The following CCDC33 variants were observed in gnomAD, a reference collection of about 807,000 sequenced individuals.
CCDC33 encodes coiled-coil domain-containing protein 33.
Under a neutral mutation model 91.9 loss-of-function variants are expected in CCDC33, and 94 were observed. The ratio of observed to expected loss-of-function variants is 1.02; its 90% CI spans 0.87 to 1.21. The LOEUF is 1.21. CCDC33 is among the 50% of genes most tolerant of loss of function. The probability of loss-of-function intolerance (pLI) is 0.00; values close to 1 mark genes in which losing one functional copy is unlikely to be tolerated. For synonymous variants in CCDC33, 396 were observed against 374.5 expected, an observed-to-expected ratio of 1.06 and a Z score of -0.66; for missense variants, 940 against 935.5, an observed-to-expected ratio of 1.00 and a Z score of -0.06.
chr15:74,282,562 AAGGTC>A (rs1277038570), intron 10 of CCDC33, among the ~76,000 whole-genome samples: 1 of 152,232 alleles, frequency 6.6e-6, no homozygotes, highest in Non-Finnish European at 1.5e-5. Flanking sequence ...CTGGTGTGAT[AAGGTC>A]AGGCCATTCT....
intron 2 of CCDC33, among the ~76,000 whole-genome samples, chr15:74,259,057 A>C (rs1476273265): frequency 6.6e-6 from 1 of 151,928 alleles, no homozygotes; most frequent in Non-Finnish European, 1.5e-5. Context: ...TCTAAACCCA[A>C]CTCCAGTCCT....
chr15:74,329,026 G>C (rs1222659285), intron 11 of CCDC33, among the ~76,000 whole-genome samples: 1 of 152,220 alleles, frequency 6.6e-6, no homozygotes, highest in Admixed American at 6.5e-5. Context: ...AGTGAGCTAT[G>C]ATGGTGCCAC....
chr15:74,203,302 G>T (rs1331195368), intron 1 of CCDC33: 22 of 718,494 alleles, frequency 3.1e-5, no homozygotes, highest in Non-Finnish European at 3.8e-5. Flanking sequence ...CCCACGGGTA[G>T]GCAAGAGGAG....
rs2142908723 is a variant in CCDC33, at chr15:74,335,934, A to C, written c.2149A>C (p.Thr717Pro). 1.2e-6 allele frequency: 2 copies of C among 1,613,436 alleles called. No homozygotes were observed. The highest frequency in any genetic ancestry group is 4.5e-5 in the East Asian group (2 of 44,850). Residue 717 changes from threonine (T) to proline (P), a missense_variant, in exon 19 of 19, where the codon ACC (threonine) becomes CCC (proline). Coordinates refer to ENST00000398814, the MANE Select transcript of CCDC33 (RefSeq NM_025055.5). The stretch of plus-strand genomic sequence containing the variant: ...GCTTTGCACACCACAGAGTGCCCTC[A>C]CCCACTCCATGGACCTCAAGCAGCC... ...SIIIEQPSAL[T>P]HSMDLKQPSE...
At chr15:74,205,903 C>G (rs1200328086) in intron 1 of CCDC33, among the ~76,000 whole-genome samples, 1 of 152,198 alleles carries the variant, frequency 6.6e-6, no homozygotes, top group Non-Finnish European at 1.5e-5. Flanking sequence ...CAGCCTTGTG[C>G]CTGGTACTTT....
intron 10 of CCDC33, among the ~76,000 whole-genome samples, chr15:74,286,951 T>TCTGGTGG (rs1048718432): frequency 5.2e-4 from 79 of 152,304 alleles, no homozygotes; most frequent in Middle Eastern, 3.4e-3. Flanking sequence ...TTGATGCTAC[T>TCTGGTGG]CTGGTGGCTT....
chr15:74,268,700 G>A (rs74339362), intron 5 of CCDC33, among the ~76,000 whole-genome samples: 4,500 of 152,344 alleles, frequency 0.03, 100 homozygotes, highest in Non-Finnish European at 0.048. Context: ...TCTCTGTCTT[G>A]GAGGTGGCGG....
At chr15:74,290,378 A>G (rs900033852) in intron 10 of CCDC33, among the ~76,000 whole-genome samples, 3 of 152,024 alleles carry the variant, frequency 2.0e-5, no homozygotes, top group African/African-American at 7.3e-5. Flanking sequence ...GGGTTTCACC[A>G]TGTTGGCCAG....
At chr15:74,234,701 G>A (rs1385385730), upstream of CCDC33, among the ~76,000 whole-genome samples, 1 of 152,246 alleles carries the variant, frequency 6.6e-6, no homozygotes, top group Non-Finnish European at 1.5e-5. Context: ...GGGCGTGGCT[G>A]CAGAGGCAGA....
At chr15:74,227,585 C>T (rs2074843298) in intron 2 of CCDC33, among the ~76,000 whole-genome samples, 1 of 152,160 alleles carries the variant, frequency 6.6e-6, no homozygotes, top group South Asian at 2.1e-4. Flanking sequence ...CTCAGAGTCC[C>T]AGAGCAAACT....
chr15:74,279,896 ATC>A, intron 7 of CCDC33, 65 bp from the exon 8 acceptor site: 1 of 1,557,262 alleles, frequency 6.4e-7, no homozygotes, highest in Non-Finnish European at 8.7e-7. Flanking sequence ...AAAACCAAAT[ATC>A]TGTGTATGCC....
intron 1 of CCDC33, chr15:74,243,596 G>A (rs1017359350): frequency 1.1e-4 from 48 of 455,026 alleles, no homozygotes; most frequent in Non-Finnish European, 1.5e-4. Context: ...AGGGAGGCAG[G>A]CACTTGACGG....
intron 10 of CCDC33, among the ~76,000 whole-genome samples, chr15:74,283,839 T>A (rs1304125060): frequency 7.2e-6 from 1 of 139,846 alleles, no homozygotes; most frequent in African/African-American, 2.6e-5. Context: ...ATATACACTC[T>A]CAATCACGTG....
intron 10 of CCDC33, 95 bp downstream of exon 10, chr15:74,281,944 TG>T: frequency 1.9e-6 from 2 of 1,045,068 alleles, no homozygotes; most frequent in South Asian, 1.4e-5. Context: ...CAGGGACTTC[TG>T]GGAGGATGGG....
At chr15:74,282,007 C>T (rs1046117168) in intron 10 of CCDC33, among the ~76,000 whole-genome samples, 158 bp downstream of exon 10, 4 of 152,112 alleles carry the variant, frequency 2.6e-5, no homozygotes, top group East Asian at 1.9e-4. Context: ...TCCAGACAAA[C>T]GTAGAGAGAG....
chr15:74,254,729 A>ATC (rs10692786), intron 2 of CCDC33, among the ~76,000 whole-genome samples: 10,760 of 147,006 alleles, frequency 0.073, 1,346 homozygotes, highest in African/African-American at 0.26. Context: ...TCTCCTCTGC[A>ATC]TCTCTACCCT....
chr15:74,311,298 C>G (rs971316329), intron 11 of CCDC33, among the ~76,000 whole-genome samples: 1 of 152,160 alleles, frequency 6.6e-6, no homozygotes, highest in African/African-American at 2.4e-5. Context: ...TCCACACCCC[C>G]TACCCCAGTG....
chr15:74,222,227 C>A (rs2074618366), intron 2 of CCDC33, among the ~76,000 whole-genome samples: 1 of 152,220 alleles, frequency 6.6e-6, no homozygotes, highest in African/African-American at 2.4e-5. Flanking sequence ...CTGACAGTCT[C>A]CCACTGGCAT....
At chr15:74,302,733 C>A (rs147983496) in intron 11 of CCDC33, 1,685 of 152,588 alleles carry the variant, frequency 0.011, 32 homozygotes, top group African/African-American at 0.039. Flanking sequence ...AGAAACCTCC[C>A]CTGTCCCAGG....
Sources: gnomAD v4.1 joint callset for allele counts (sites outside exome capture counted in the v4.1 genomes callset) on GRCh38, gnomAD v4.1.1 for gene constraint, MANE v1.5 for transcripts, NCBI Gene and HGNC (gene_info 2026-07-23, HGNC 2026-07-21) for gene names.